MDGA2: variants seen among roughly 807,000 people sequenced by gnomAD.
MDGA2 encodes MAM domain-containing glycosylphosphatidylinositol anchor protein 2.
MDGA2 carries 40 observed loss-of-function variants against 117.8 expected under a neutral mutation model. The ratio of observed to expected loss-of-function variants is 0.34; its 90% CI spans 0.26 to 0.44. The LOEUF (loss-of-function observed/expected upper bound fraction) is 0.44, where lower values mean the gene tolerates loss of function less well. Among genes scored for constraint, MDGA2 ranks in the 20% least tolerant of loss-of-function variants. The probability of loss-of-function intolerance (pLI) is 1.00; values close to 1 mark genes in which losing one functional copy is unlikely to be tolerated. For missense variants in MDGA2, 1,123 were observed against 1,250.6 expected, an observed-to-expected ratio of 0.90 and a Z score of 1.54; for synonymous variants, 452 against 439.0, an observed-to-expected ratio of 1.03 and a Z score of -0.37.
intron 1 of MDGA2, among the ~76,000 whole-genome samples, chr14:47,637,006 G>A (rs1296810638): frequency 6.6e-6 from 1 of 151,780 alleles, no homozygotes; most frequent in African/African-American, 2.4e-5. Context: ...ATAAATGTAT[G>A]CATATACTTA....
chr14:47,473,628 A>T (rs1484191410), intron 1 of MDGA2, among the ~76,000 whole-genome samples: 1 of 152,152 alleles, frequency 6.6e-6, no homozygotes, highest in African/African-American at 2.4e-5. Context: ...TAATATTATG[A>T]TATGTAAAAA....
Position 47,334,413 on chromosome 14 carries a change from A to T in MDGA2, c.281-32863T>A, listed in dbSNP as rs147580319. ...AGTAAGGTAGCATAGCTTTTAGTTC[A>T]TACTTTATTTACTACTTGCACGATC... On this transcript the variant is annotated intron_variant, in intron 1 of 16. Coordinates refer to ENST00000399232, the MANE Select transcript of MDGA2 (RefSeq NM_001113498.3). Among the ~76,000 whole-genome samples, 106 of 151,964 alleles carry T rather than the reference A, an allele frequency of 7.0e-4. 2 individuals carry two copies. Among genetic ancestry groups the T allele is most frequent in the African/African-American group, 2.0e-3 (85 of 41,496 alleles).
chr14:47,378,205 T>C (rs1341463319), intron 1 of MDGA2, among the ~76,000 whole-genome samples: 1 of 152,178 alleles, frequency 6.6e-6, no homozygotes, highest in African/African-American at 2.4e-5. Context: ...AAACCCCATC[T>C]GTACATCACC....
chr14:47,072,483 G>A (rs1376174426), intron 6 of MDGA2, among the ~76,000 whole-genome samples: 2 of 152,184 alleles, frequency 1.3e-5, no homozygotes, highest in African/African-American at 4.8e-5. Flanking sequence ...TAAGGAAAAT[G>A]AGTTGATGAT....
At chr14:47,519,475 T>A (rs900548756) in intron 1 of MDGA2, among the ~76,000 whole-genome samples, 1 of 152,176 alleles carries the variant, frequency 6.6e-6, no homozygotes, top group African/African-American at 2.4e-5. Context: ...ATGTGGTCAA[T>A]TACATTGTTA....
intron 9 of MDGA2, among the ~76,000 whole-genome samples, chr14:46,949,230 T>C (rs1453518240): frequency 6.6e-6 from 1 of 152,056 alleles, no homozygotes; most frequent in Non-Finnish European, 1.5e-5. Flanking sequence ...GAGAACTTTC[T>C]TTACATACTG....
chr14:47,613,810 CACTTATTAAAAATTTTACCTAT>C (rs905197312), intron 1 of MDGA2, among the ~76,000 whole-genome samples: 2 of 152,012 alleles, frequency 1.3e-5, no homozygotes, highest in African/African-American at 4.8e-5. Context: ...AACCCCCATT[CACTTATTAAAAATTTTACCTAT>C]ACTTTTATAT....
chr14:47,198,571 C>CA (rs999594396), intron 3 of MDGA2, among the ~76,000 whole-genome samples: 71 of 143,274 alleles, frequency 5.0e-4, no homozygotes, highest in Admixed American at 1.3e-3. Flanking sequence ...GACTCCGTCT[C>CA]AAAAAAAAAA....
chr14:46,962,037 C>T (rs193154961), intron 8 of MDGA2, among the ~76,000 whole-genome samples: 1 of 152,078 alleles, frequency 6.6e-6, no homozygotes, highest in African/African-American at 2.4e-5. Flanking sequence ...TAATTTTGAT[C>T]AATTTGATTC....
intron 1 of MDGA2, among the ~76,000 whole-genome samples, chr14:47,505,191 G>A (rs913189770): frequency 6.6e-6 from 1 of 152,108 alleles, no homozygotes; most frequent in Non-Finnish European, 1.5e-5. Flanking sequence ...GTAGAACAGT[G>A]GTTGTCAGAA....
At chr14:47,650,534 G>T (rs56286993) in intron 1 of MDGA2, among the ~76,000 whole-genome samples, 1 of 152,036 alleles carries the variant, frequency 6.6e-6, no homozygotes, top group Non-Finnish European at 1.5e-5. Context: ...AGGCAAACTG[G>T]CATGTCTAAA....
chr14:47,523,741 T>C (rs1467295371), intron 1 of MDGA2, among the ~76,000 whole-genome samples: 1 of 152,140 alleles, frequency 6.6e-6, no homozygotes, highest in Non-Finnish European at 1.5e-5. Flanking sequence ...AGGGGTGAGT[T>C]CATTAAGCCT....
At chr14:47,022,641 C>T (rs563975014) in intron 8 of MDGA2, among the ~76,000 whole-genome samples, 10 of 152,164 alleles carry the variant, frequency 6.6e-5, no homozygotes, top group South Asian at 2.1e-4. Context: ...AAAAATTACA[C>T]ATGGCTGGAG....
At chr14:47,155,022 G>A (rs1281352568) in intron 3 of MDGA2, among the ~76,000 whole-genome samples, 1 of 152,112 alleles carries the variant, frequency 6.6e-6, no homozygotes. Flanking sequence ...AGCCAGACTG[G>A]GACAGACAAC....
Position 47,342,281 on chromosome 14 carries a change from T to A in MDGA2, c.281-40731A>T, listed in dbSNP as rs7155819. ...TTATATATATATATATATATATATA[T>A]AAAATATGTTATATATATAAATATG... On this transcript the variant is annotated intron_variant, in intron 1 of 16. Coordinates refer to ENST00000399232, the MANE Select transcript of MDGA2 (RefSeq NM_001113498.3). Among the ~76,000 whole-genome samples, 723 of 82,384 alleles carry A rather than the reference T, an allele frequency of 8.8e-3. 4 individuals carry two copies. The highest frequency in any genetic ancestry group is 0.086 in the East Asian group (145 of 1,692). 54.0% of individuals were successfully genotyped at this position (82,384 alleles called of 152,430 possible).
At chr14:46,913,487 A>G (rs1004106886) in intron 10 of MDGA2, among the ~76,000 whole-genome samples, 4 of 75,494 alleles carry the variant, frequency 5.3e-5, no homozygotes, top group African/African-American at 1.5e-4. Flanking sequence ...ATTCACTAAA[A>G]TAACTTTTAA....
chr14:47,103,808 T>C (rs1443688439), intron 5 of MDGA2, among the ~76,000 whole-genome samples: 1 of 152,224 alleles, frequency 6.6e-6, no homozygotes, highest in Non-Finnish European at 1.5e-5. Context: ...TTATCAACAG[T>C]GATGAATGCC....
At chr14:47,498,702 C>A (rs1894334397) in intron 1 of MDGA2, among the ~76,000 whole-genome samples, 1 of 151,840 alleles carries the variant, frequency 6.6e-6, no homozygotes, top group African/African-American at 2.4e-5. Flanking sequence ...TCCACATTAG[C>A]AATGTATATG....
chr14:46,896,517 G>A (rs555803915), intron 10 of MDGA2, among the ~76,000 whole-genome samples: 6 of 152,124 alleles, frequency 3.9e-5, no homozygotes, highest in South Asian at 2.1e-4. Flanking sequence ...GGATCAAGCA[G>A]AGTAAACTTT....
Sources: gnomAD v4.1 joint callset for allele counts (sites outside exome capture counted in the v4.1 genomes callset) on GRCh38, gnomAD v4.1.1 for gene constraint, MANE v1.5 for transcripts, NCBI Gene and HGNC (gene_info 2026-07-23, HGNC 2026-07-21) for gene names.